Variants in SDK1 observed in about 807,000 individuals in gnomAD.
SDK1 encodes the protein sidekick cell adhesion molecule 1.
SDK1 carries 157 observed loss-of-function variants against 245.5 expected under a neutral mutation model. The ratio of observed to expected loss-of-function variants is 0.64; its 90% CI spans 0.56 to 0.73. SDK1 has a LOEUF of 0.73. SDK1 is among the 30% of genes least tolerant of loss of function. The probability of loss-of-function intolerance (pLI) is 0.00; values close to 1 mark genes in which losing one functional copy is unlikely to be tolerated. For missense variants in SDK1, 3,583 were observed against 3,002.3 expected (o/e 1.19, Z -4.52); for synonymous variants, 1,647 against 1,278.5 (o/e 1.29, Z -6.15).
intron 1 of SDK1, among the ~76,000 whole-genome samples, chr7:3,317,876 ATAT>A (rs1239084070): frequency 6.6e-6 from 1 of 152,148 alleles, no homozygotes; most frequent in Admixed American, 6.5e-5. Context: ...TTTTGTGGTT[ATAT>A]TATGCAGTTT....
At chr7:3,414,859 T>C (rs944417738) in intron 1 of SDK1, among the ~76,000 whole-genome samples, 1 of 152,210 alleles carries the variant, frequency 6.6e-6, no homozygotes, top group Non-Finnish European at 1.5e-5. Flanking sequence ...CTTCTTTCAC[T>C]TAAAATAACA....
intron 4 of SDK1, among the ~76,000 whole-genome samples, chr7:3,742,527 T>C (rs528752279): frequency 6.6e-6 from 1 of 152,284 alleles, no homozygotes; most frequent in East Asian, 1.9e-4. Flanking sequence ...GACATTTGCA[T>C]ATTTGCCTTC....
At chr7:3,480,834 GGAAA>G (rs1781499372) in intron 1 of SDK1, among the ~76,000 whole-genome samples, 1 of 152,180 alleles carries the variant, frequency 6.6e-6, no homozygotes, top group Admixed American at 6.5e-5. Context: ...TAGAGCTTCT[GGAAA>G]GAAAGGCAGC....
At chr7:3,868,699 G>A (rs573571350) in intron 5 of SDK1, among the ~76,000 whole-genome samples, 5 of 152,134 alleles carry the variant, frequency 3.3e-5, no homozygotes, top group Non-Finnish European at 5.9e-5. Flanking sequence ...CAGCATAAAT[G>A]TACATATGCA....
chr7:3,925,285 C>T (rs1403134832), intron 5 of SDK1, among the ~76,000 whole-genome samples: 1 of 152,140 alleles, frequency 6.6e-6, no homozygotes, highest in Admixed American at 6.5e-5. Flanking sequence ...GAACTCTTTG[C>T]CCTTTATTTA....
intron 1 of SDK1, among the ~76,000 whole-genome samples, chr7:3,544,148 T>C (rs1779140129): frequency 6.6e-6 from 1 of 152,248 alleles, no homozygotes; most frequent in South Asian, 2.1e-4. Context: ...CATTTTTAAA[T>C]GCCTGTGGAG....
At chr7:4,107,795 C>T (rs980422117) in intron 22 of SDK1, among the ~76,000 whole-genome samples, 1 of 152,228 alleles carries the variant, frequency 6.6e-6, no homozygotes. Context: ...GAAGCCTGAG[C>T]AGCTCGTCTT....
chr7:3,936,669 T>A (rs191193290), intron 5 of SDK1, among the ~76,000 whole-genome samples: 252 of 152,318 alleles, frequency 1.7e-3, no homozygotes, highest in East Asian at 4.1e-3. Flanking sequence ...AACTGTTCAC[T>A]TAGAAATGGT....
intron 5 of SDK1, among the ~76,000 whole-genome samples, chr7:3,944,266 C>T (rs1024790358): frequency 1.3e-5 from 2 of 152,198 alleles, no homozygotes; most frequent in African/African-American, 2.4e-5. Flanking sequence ...GGATAACAAT[C>T]GTTATCTTAC....
intron 42 of SDK1, among the ~76,000 whole-genome samples, chr7:4,238,240 C>T (rs111282430): frequency 7.4e-4 from 113 of 152,110 alleles, no homozygotes; most frequent in Middle Eastern, 6.8e-3. Flanking sequence ...CCACTACGCC[C>T]GGCTAATTTT....
intron 13 of SDK1, among the ~76,000 whole-genome samples, chr7:3,975,949 G>A (rs1232025796): frequency 2.9e-5 from 4 of 139,726 alleles, no homozygotes; most frequent in African/African-American, 7.9e-5. Context: ...CGGGGCTGAG[G>A]CTGCCACGCA....
chr7:4,030,811 C>T (rs773763868), intron 17 of SDK1, among the ~76,000 whole-genome samples: 20 of 152,150 alleles, frequency 1.3e-4, no homozygotes, highest in Non-Finnish European at 2.5e-4. Context: ...AAAGCTTTGG[C>T]CCAGGAACTG....
At chr7:4,155,561 C>T (rs1584315780) in intron 30 of SDK1, among the ~76,000 whole-genome samples, 1 of 152,222 alleles carries the variant, frequency 6.6e-6, no homozygotes. Flanking sequence ...AGTATAATTA[C>T]AGTTCAATGC....
chr7:3,403,790 T>A (rs1262625818), intron 1 of SDK1, among the ~76,000 whole-genome samples: 1 of 139,274 alleles, frequency 7.2e-6, no homozygotes, highest in African/African-American at 2.6e-5. Flanking sequence ...GTACTCTGTT[T>A]CCAAGCTGCA....
chr7:3,718,164 C>T (rs1464358276), intron 4 of SDK1, among the ~76,000 whole-genome samples: 3 of 152,086 alleles, frequency 2.0e-5, no homozygotes, highest in African/African-American at 4.8e-5. Context: ...AGAGAAGAAA[C>T]TTTATGAGCA....
At chr7:3,666,631 C>A (rs1356543397) in intron 4 of SDK1, among the ~76,000 whole-genome samples, 1 of 152,208 alleles carries the variant, frequency 6.6e-6, no homozygotes, top group Non-Finnish European at 1.5e-5. Flanking sequence ...CTCTGTATCT[C>A]AGGCCCTAAA....
intron 1 of SDK1, among the ~76,000 whole-genome samples, chr7:3,599,239 T>G (rs1156698261): frequency 1.3e-5 from 2 of 152,202 alleles, no homozygotes; most frequent in African/African-American, 2.4e-5. Context: ...TGAACATCTT[T>G]TCATGTGCTG....
At chr7:3,713,310 G>A (rs2115020586) in intron 4 of SDK1, among the ~76,000 whole-genome samples, 1 of 152,272 alleles carries the variant, frequency 6.6e-6, no homozygotes, top group South Asian at 2.1e-4. Flanking sequence ...AAGTACAATT[G>A]GGGTTGTTTG....
intron 5 of SDK1, among the ~76,000 whole-genome samples, chr7:3,915,396 G>T (rs570423775): frequency 3.3e-5 from 5 of 152,312 alleles, no homozygotes; most frequent in African/African-American, 1.2e-4. Flanking sequence ...GGAGGGACCC[G>T]TGGGGAGGTA....
Sources: allele counts gnomAD v4.1 joint callset (sites outside exome capture counted in the v4.1 genomes callset), GRCh38; gene constraint gnomAD v4.1.1; transcripts MANE v1.5; gene names NCBI Gene and HGNC (gene_info 2026-07-23, HGNC 2026-07-21).